PSD: variants seen among roughly 807,000 people sequenced by gnomAD.
PSD encodes pleckstrin and Sec7 domain containing.
A neutral mutation model predicts 91.6 loss-of-function variants in PSD; 32 were observed. The ratio of observed to expected loss-of-function variants is 0.35; its 90% confidence interval spans 0.26 to 0.47. PSD has a LOEUF of 0.47. Ranked by LOEUF, PSD falls within the 20% of genes least tolerant of loss-of-function variation. The probability of loss-of-function intolerance (pLI) is 1.00; values close to 1 mark genes in which losing one functional copy is unlikely to be tolerated. For synonymous variants in PSD, 532 were observed against 569.3 expected, an observed-to-expected ratio of 0.93 and a Z score of 0.93; for missense variants, 1,099 against 1,373.9, an observed-to-expected ratio of 0.80 and a Z score of 3.16.
At position 102,416,916 on chromosome 10, in the gene PSD, G is replaced by C. The variant is rs1201223902; in HGVS notation, c.123C>G (p.Gly41=). The C allele has an allele frequency of 6.2e-7, 1 of 1,607,346 alleles. No individual in the cohort carries two copies. The highest frequency in any genetic ancestry group is 2.2e-5 in the East Asian group (1 of 44,874). ...CTCGCCGTAGCAAGGAGCCTGTGCT[G>C]CCATACATGCTGGCTGGGGGGCTCT... is the stretch of plus-strand genomic sequence containing the variant. ...VPQSPPASMY[G]STGSLLRRVA... is the part of the protein sequence containing the mutation. The change falls in exon 2 of 17, where the codon GGC becomes GGG. Residue 41 remains glycine, a synonymous_variant. Transcript: ENST00000020673. This position sits in a 1 kb window ranked among gnomAD's most constrained non-coding sequence, Gnocchi z 6.0.
In PSD at chr10:102,403,703, G is replaced by T; in HGVS notation, c.2844+139C>A. 8.6e-7 allele frequency: 1 copy of T among 1,157,240 alleles called. No homozygotes were observed. Among genetic ancestry groups the T allele is most frequent in the Non-Finnish European group, 1.2e-6 (1 of 839,136 alleles). 71.7% of individuals were successfully genotyped at this position (1,157,240 alleles called of 1,614,324 possible). On this transcript the variant is annotated intron_variant, in intron 16 of 16. Transcript: ENST00000020673. This position sits in a 1 kb window ranked among gnomAD's most constrained non-coding sequence, Gnocchi z 6.7. ...CCAGTGGATGTCAAATGTTATCCTT[G>T]TTGCACAGAGGAGGAAACTGAGGCT...
At position 102,416,030 on chromosome 10, in the gene PSD, G is replaced by A; in HGVS notation, c.744C>T (p.Asp248=). The A allele has an allele frequency of 6.2e-7, 1 of 1,613,038 alleles. No homozygotes were observed. The highest frequency in any genetic ancestry group is 1.1e-5 in the South Asian group (1 of 90,808). Residue 248 remains aspartate (D), a synonymous_variant, in exon 3 of 17, where the codon GAC becomes GAT. Transcript: ENST00000020673. The surrounding 1 kb of genome is among the most constrained non-coding windows in gnomAD (Gnocchi z 6.0). ...AKWEFFYGSL[D]PPSSGAKPPE... ...CCCAGGCCTTACCTGAGCTGGGGGG[G>A]TCCAAGGAGCCATAGAAGAATTCCC...
chr10:102,407,145 C>A, intron 11 of PSD, 78 bp downstream of exon 11: 4 of 1,223,168 alleles, frequency 3.3e-6, no homozygotes, highest in Non-Finnish European at 4.6e-6. Flanking sequence ...CCAGGGCCTA[C>A]CCCAGCTCTC....
At position 102,410,877 on chromosome 10, in the gene PSD, A is replaced by T; in HGVS notation, c.2072T>A (p.Phe691Tyr). 6.2e-7 allele frequency: 1 copy of T among 1,611,828 alleles called. No individual in the cohort carries two copies. Among genetic ancestry groups the T allele is most frequent in the Non-Finnish European group, 8.5e-7 (1 of 1,178,912 alleles). Residue 691 changes from phenylalanine (F) to tyrosine (Y), a missense_variant, in exon 10 of 17, where the codon TTC (phenylalanine) becomes TAC (tyrosine). Physicochemically the swap from Phe to Tyr is conservative, Grantham distance 22. Transcript: ENST00000020673. This position sits in a 1 kb window ranked among gnomAD's most constrained non-coding sequence, Gnocchi z 6.0. ...CCCCACCTTGAGCAGCTCCCTAGGG[A>T]AGTCGCCGCCATCATTGAGGCCCTC... ...NLEGLNDGGD[F>Y]PRELLKALYS...
rs1335329999 is a variant in PSD, at chr10:102,416,076, T to C, written c.698A>G (p.Gln233Arg). ...SSPREVSSHA[Q>R]RIARAKWEFF... ...TTCCCATTTGGCTCTAGCGATTCTC[T>C]GGGCATGAGAGGAGACTTCCCGGGG... The change falls in exon 3 of 17, where the codon CAG becomes CGG. Residue 233 changes from glutamine (Q) to arginine (R), a missense_variant. Coordinates refer to ENST00000020673, the MANE Select transcript of PSD (RefSeq NM_002779.5). This position sits in a 1 kb window ranked among gnomAD's most constrained non-coding sequence, Gnocchi z 6.0. 1.2e-6 allele frequency: 2 copies of C among 1,613,860 alleles called. No individual in the cohort carries two copies. The highest frequency in any genetic ancestry group is 1.7e-6 in the Non-Finnish European group (2 of 1,179,854).
intron 10 of PSD, among the ~76,000 whole-genome samples, 166 bp from the exon 11 acceptor site, chr10:102,407,432 C>G (rs2061375149): frequency 6.6e-6 from 1 of 152,208 alleles, no homozygotes; most frequent in Admixed American, 6.5e-5. Flanking sequence ...AGACCCGGCT[C>G]CACCACCTGA....
chr10:102,410,722 G>T lies in PSD; in HGVS notation c.2091+136C>A. 1.4e-6 allele frequency: 1 copy of T among 728,550 alleles called. No homozygotes were observed. The allele number at this position is 728,550 out of a possible 1,614,324, so 45.1% of individuals were successfully genotyped here. A position where few individuals can be genotyped will look rare whatever the true frequency, so the allele number is the denominator to read the frequency against. ...GGGGGCGGTCCCCAGGCTGAGTCACGAGAGCCCGGGCTTCCGTGGCAGGAG... is the reference window on the plus strand; with the variant it reads ...GGGGGCGGTCCCCAGGCTGAGTCACTAGAGCCCGGGCTTCCGTGGCAGGAG... On this transcript the variant is annotated intron_variant, in intron 10 of 16. Transcript: ENST00000020673. The surrounding 1 kb of genome is among the most constrained non-coding windows in gnomAD (Gnocchi z 6.0).
chr10:102,415,863 C>T (rs766435130), intron 3 of PSD, among the ~76,000 whole-genome samples, 154 bp downstream of exon 3: 6 of 152,186 alleles, frequency 3.9e-5, no homozygotes, highest in Non-Finnish European at 5.9e-5. Context: ...CCCATCATAG[C>T]GCAGATGGAA....
chr10:102,410,693 G>C lies in PSD; in HGVS notation c.2091+165C>G, dbSNP rs1348141095. ...CGGGAGAGCCTGCGCGTGGGGCCTG[G>C]GGAGGGGGCGGTCCCCAGGCTGAGT... On this transcript the variant is annotated intron_variant, in intron 10 of 16. Coordinates refer to ENST00000020673, the MANE Select transcript of PSD (RefSeq NM_002779.5). The surrounding 1 kb of genome is among the most constrained non-coding windows in gnomAD (Gnocchi z 6.0). Among the ~76,000 whole-genome samples, 1 of 152,198 alleles carries C rather than the reference G, an allele frequency of 6.6e-6. No homozygotes were observed. The highest frequency in any genetic ancestry group is 1.9e-4 in the East Asian group (1 of 5,188).
rs541790022 is a variant in PSD at position 102,416,590 on chromosome 10, C to T, written c.449G>A (p.Arg150Gln). The part of the protein sequence containing the change: ...ALGPGSNRKL[R>Q]LEASTSDPLP... ...TGGGTCTGATGTGGATGCTTCCAGCCGTAACTTCCGGTTGGAGCCAGGCCC... is the reference window on the plus strand; with the variant it reads ...TGGGTCTGATGTGGATGCTTCCAGCTGTAACTTCCGGTTGGAGCCAGGCCC... Residue 150 changes from arginine to glutamine, a missense_variant, in exon 2 of 17, where the codon CGG (arginine) becomes CAG (glutamine). This residue lies in a region of PSD where 631 missense variants were observed against 728.8 expected (regional missense o/e 0.87). Coordinates refer to ENST00000020673, the MANE Select transcript of PSD (RefSeq NM_002779.5). The surrounding 1 kb of genome is among the most constrained non-coding windows in gnomAD (Gnocchi z 6.0). The T allele has an allele frequency of 6.4e-5, 102 of 1,593,064 alleles. 1 individual carries two copies. The South Asian group carries it at 1.1e-3, about 17-fold the overall frequency.
upstream of PSD, chr10:102,418,913 C>T (rs1180106572): frequency 5.8e-6 from 2 of 347,078 alleles, no homozygotes; most frequent in East Asian, 8.3e-5. Context: ...CCCCCCTTGT[C>T]GCTAGGTCCC....
chr10:102,415,302 C>T (rs2061466512), intron 3 of PSD, 73 bp from the exon 4 acceptor site: 6 of 1,476,190 alleles, frequency 4.1e-6, no homozygotes, highest in Non-Finnish European at 5.4e-6. Flanking sequence ...GCTCTAGGAT[C>T]TCTGCCCACT....
chr10:102,408,773 T>A (rs2061391792), intron 10 of PSD: 5 of 521,816 alleles, frequency 9.6e-6, no homozygotes, highest in South Asian at 8.2e-5. Context: ...CGCCTCTGGC[T>A]GCCCATGACC....
chr10:102,417,657 G>C (rs1483061172), intron 1 of PSD, among the ~76,000 whole-genome samples: 3 of 151,850 alleles, frequency 2.0e-5, no homozygotes, highest in Non-Finnish European at 4.4e-5. Flanking sequence ...AGCCTGAGCA[G>C]AGGCTCCTAC....
rs924866600 is a variant in PSD at position 102,418,709 on chromosome 10, G to A, written c.-92C>T. ...GCCACCTCAGTACTCACCGCTGCTC[G>A]CCCAGAGCTGAGACCGAGGAGAGAC... On this transcript the variant is annotated 5_prime_UTR_variant, in exon 1 of 17. Coordinates refer to ENST00000020673, the MANE Select transcript of PSD (RefSeq NM_002779.5). 12 of 455,736 alleles carry A rather than the reference G, an allele frequency of 2.6e-5. No individual in the cohort carries two copies. Among genetic ancestry groups the A allele is most frequent in the Admixed American group, 1.6e-4 (7 of 42,540 alleles). The allele number at this position is 455,736 out of a possible 1,614,324, so 28.2% of individuals were successfully genotyped here.
rs576535635 is a variant in PSD, at chr10:102,403,570, G to C, written c.2845-140C>G. 6.1e-5 allele frequency: 55 copies of C among 896,082 alleles called. No individual in the cohort carries two copies. The highest frequency in any genetic ancestry group is 8.6e-5 in the Non-Finnish European group (52 of 603,842). The allele number at this position is 896,082 out of a possible 1,614,324, so 55.5% of individuals were successfully genotyped here. ...CTGTGAGATGGTCCCATGCGGGCTG[G>C]TGCCCCCTCTGGGCTCTCCTGGGAC... is the stretch of plus-strand genomic sequence containing the variant. On this transcript the variant is annotated intron_variant, in intron 16 of 16. Coordinates refer to ENST00000020673, the MANE Select transcript of PSD (RefSeq NM_002779.5). This position sits in a 1 kb window ranked among gnomAD's most constrained non-coding sequence, Gnocchi z 6.7.
In PSD at chr10:102,414,046, G is replaced by A. The variant is rs777002756; in HGVS notation, c.1276C>T (p.Leu426=). The A allele has an allele frequency of 1.9e-6, 3 of 1,614,070 alleles. No individual in the cohort carries two copies. Among genetic ancestry groups the A allele is most frequent in the African/African-American group, 2.7e-5 (2 of 75,050 alleles). Residue 426 remains leucine (L), a synonymous_variant, in exon 5 of 17, where the codon CTG becomes TTG. Transcript: ENST00000020673. The surrounding 1 kb of genome is among the most constrained non-coding windows in gnomAD (Gnocchi z 5.6). ...KGTSYTSLAS[L]EALASPGPTQ... is the part of the protein sequence containing the mutation. ...GGGCCAGGTGAGGCCAAGGCCTCCA[G>A]CGAGGCGAGGCTGGTATAGGAGGTG... is the stretch of plus-strand genomic sequence containing the variant.
chr10:102,402,701 GC>G lies in PSD; in HGVS notation c.*498del. On this transcript the variant is annotated 3_prime_UTR_variant, in exon 17 of 17. Coordinates refer to ENST00000020673, the MANE Select transcript of PSD (RefSeq NM_002779.5). Reference sequence around the variant, plus strand: ...AAGCGGGGGAAAGCCAGGCCGTGCTGCCCCCGGCCCAGGTATGGGGCCTTGG... The same window carrying G: ...AAGCGGGGGAAAGCCAGGCCGTGCTGCCCCGGCCCAGGTATGGGGCCTTGG... 9.7e-6 allele frequency: 3 copies of G among 310,048 alleles called. No individual in the cohort carries two copies. 19.2% of individuals were successfully genotyped at this position (310,048 alleles called of 1,614,324 possible).
chr10:102,411,926 GGA>G, intron 7 of PSD, 107 bp from the exon 8 acceptor site: 1 of 922,212 alleles, frequency 1.1e-6, no homozygotes, highest in Non-Finnish European at 1.8e-6. Context: ...GGGAAGGGGA[GGA>G]GAGAAAGGGG....
Sources: allele counts gnomAD v4.1 joint callset (sites outside exome capture counted in the v4.1 genomes callset), GRCh38; gene constraint gnomAD v4.1.1; regional missense constraint gnomAD v4.1.1; non-coding constraint Gnocchi (gnomAD v3.1); transcripts MANE v1.5; gene names NCBI Gene and HGNC (gene_info 2026-07-23, HGNC 2026-07-21).